ASB4: variants seen among roughly 807,000 people sequenced by gnomAD.
ASB4 encodes ankyrin repeat and SOCS box containing 4.
A neutral mutation model predicts 38.6 loss-of-function variants in ASB4; 35 were observed. That is an observed-to-expected ratio of 0.91 (90% confidence interval 0.69 to 1.20). The LOEUF is 1.20. Ranked by LOEUF, ASB4 falls within the 50% of genes most tolerant of loss-of-function variation. The probability of loss-of-function intolerance (pLI) is 0.00; values close to 1 mark genes in which losing one functional copy is unlikely to be tolerated. For synonymous variants in ASB4, 195 were observed against 201.3 expected, an observed-to-expected ratio of 0.97 and a Z score of 0.26; for missense variants, 557 against 527.2, an observed-to-expected ratio of 1.06 and a Z score of -0.55.
At position 95,537,786 on chromosome 7, in the gene ASB4, C is replaced by G; in HGVS notation, c.*27C>G. 6.3e-7 allele frequency: 1 copy of G among 1,594,350 alleles called. No individual in the cohort carries two copies. The highest frequency in any genetic ancestry group is 8.6e-7 in the Non-Finnish European group (1 of 1,166,614). On this transcript the variant is annotated 3_prime_UTR_variant, in exon 5 of 5. Transcript: ENST00000325885. ...CCTTATGAGACAGCAGTTCCCAATC[C>G]TAGGTATTTAAGTGGACTTGCTGGG...
intron 1 of ASB4, among the ~76,000 whole-genome samples, chr7:95,493,488 G>A (rs1328406126): frequency 1.3e-5 from 2 of 152,042 alleles, no homozygotes; most frequent in Admixed American, 6.6e-5. Flanking sequence ...ATTAATCACT[G>A]TGCACAACCT....
At chr7:95,505,810 T>C (rs1056564714) in intron 2 of ASB4, among the ~76,000 whole-genome samples, 1 of 152,088 alleles carries the variant, frequency 6.6e-6, no homozygotes, top group Non-Finnish European at 1.5e-5. Context: ...TGTAGAAAAC[T>C]GTCTTATTTC....
chr7:95,513,372 G>T (rs1180343114), intron 2 of ASB4, among the ~76,000 whole-genome samples: 1 of 136,084 alleles, frequency 7.3e-6, no homozygotes, highest in Non-Finnish European at 1.5e-5. Flanking sequence ...TAAGGAATTG[G>T]CTCATGCAAT....
At chr7:95,549,463 A>AT in the ASB4 span, among the ~76,000 whole-genome samples, 5 of 151,588 alleles carry the variant, frequency 3.3e-5, no homozygotes, top group African/African-American at 4.8e-5. Context: ...CGCCCGGCTA[A>AT]TTTTTTTGTA....
At chr7:95,515,245 TTCTTTCCTTCTTTCTTTCTTTC>T (rs1790553496) in intron 2 of ASB4, among the ~76,000 whole-genome samples, 5 of 142,918 alleles carry the variant, frequency 3.5e-5, no homozygotes, top group Admixed American at 6.9e-5. Flanking sequence ...CTTTCTTTCT[TTCTTTCCTTCTTTCTTTCTTTC>T]TCTTTCTTTC....
chr7:95,538,851 A>G lies in ASB4; in HGVS notation c.*1092A>G. The G allele has an allele frequency of 6.6e-6, 1 of 152,186 alleles. No individual in the cohort carries two copies. The highest frequency in any genetic ancestry group is 1.9e-4 in the East Asian group (1 of 5,196). The allele number at this position is 152,186 out of a possible 1,614,324, so 9.4% of individuals were successfully genotyped here. On this transcript the variant is annotated 3_prime_UTR_variant, in exon 5 of 5. Coordinates refer to ENST00000325885, the MANE Select transcript of ASB4 (RefSeq NM_016116.3). The stretch of plus-strand genomic sequence containing the variant: ...TTCGGTCTTTTTATGTAGCAGACTG[A>G]CATTTCATAGCATTGTAGCTAAGAG...
Position 95,496,037 on chromosome 7 carries a change from C to T in ASB4, c.467C>T (p.Ala156Val), listed in dbSNP as rs1207421872. 1 of 1,613,104 alleles carries T rather than the reference C, an allele frequency of 6.2e-7. No individual in the cohort carries two copies. ...FCTTPSSILC[A>V]KQLVWRGANV... The stretch of plus-strand genomic sequence containing the variant: ...ACAACTCCAAGTTCCATTCTCTGTG[C>T]CAAGCAATTGGTTTGGAGAGGTAAG... Residue 156 changes from alanine to valine, a missense_variant, in exon 2 of 5, where the codon GCC becomes GTC. Coordinates refer to ENST00000325885, the MANE Select transcript of ASB4 (RefSeq NM_016116.3).
At position 95,536,429 on chromosome 7, in the gene ASB4, C is replaced by G. The variant is rs746970337; in HGVS notation, c.979-8C>G. 3.8e-6 allele frequency: 6 copies of G among 1,558,504 alleles called. 1 individual carries two copies. The South Asian group carries it at 6.7e-5, about 17-fold the overall frequency. ...TCAAACAGATGAAACTCTGTGCTTC[C>G]TCTGCAGGTGATACAGGCCTGCCAT... is the stretch of plus-strand genomic sequence containing the variant. On this transcript the variant is annotated splice_polypyrimidine_tract_variant and splice_region_variant and intron_variant, in intron 3 of 4. Coordinates refer to ENST00000325885, the MANE Select transcript of ASB4 (RefSeq NM_016116.3).
the ASB4 span, among the ~76,000 whole-genome samples, chr7:95,547,730 A>T: frequency 1.3e-5 from 2 of 152,154 alleles, no homozygotes; most frequent in African/African-American, 4.8e-5. Context: ...AAAGCAGATC[A>T]CTCTCCATAA....
downstream of ASB4, among the ~76,000 whole-genome samples, chr7:95,540,867 G>C (rs945539681): frequency 1.3e-5 from 2 of 152,252 alleles, no homozygotes; most frequent in East Asian, 3.9e-4. Flanking sequence ...ATGATTGTAG[G>C]GATAAGAAAA....
In ASB4 at chr7:95,495,885, C is replaced by A; in HGVS notation, c.315C>A (p.Pro105=). ...LDHNATINCR[P]NGKTPLHVAC... ...ACAATGCTACAATCAACTGTAGACCCAATGGGAAAACCCCTCTTCACGTGG... is the reference window on the plus strand; with the variant it reads ...ACAATGCTACAATCAACTGTAGACCAAATGGGAAAACCCCTCTTCACGTGG... The change falls in exon 2 of 5, where the codon CCC becomes CCA. Residue 105 remains proline, a synonymous_variant. Coordinates refer to ENST00000325885, the MANE Select transcript of ASB4 (RefSeq NM_016116.3). 1 of 1,614,108 alleles carries A rather than the reference C, an allele frequency of 6.2e-7. No homozygotes were observed. The highest frequency in any genetic ancestry group is 8.5e-7 in the Non-Finnish European group (1 of 1,180,010).
At chr7:95,537,210 C>T (rs1790900648) in intron 4 of ASB4, among the ~76,000 whole-genome samples, 2 of 152,152 alleles carry the variant, frequency 1.3e-5, no homozygotes, top group Non-Finnish European at 2.9e-5. Context: ...TAAAAGTCAC[C>T]TAACTTGAGT....
At chr7:95,478,799 C>A (rs1334279395) in intron 1 of ASB4, among the ~76,000 whole-genome samples, 1 of 152,160 alleles carries the variant, frequency 6.6e-6, no homozygotes, top group East Asian at 1.9e-4. Flanking sequence ...ACAAAGCAAT[C>A]ATTTCTGCCA....
chr7:95,520,446 A>G (rs1790645108), intron 2 of ASB4, among the ~76,000 whole-genome samples: 1 of 152,234 alleles, frequency 6.6e-6, no homozygotes, highest in Non-Finnish European at 1.5e-5. Context: ...TTCAGATCTC[A>G]TAGAAGGCTT....
At chr7:95,544,119 C>G (rs1183054013), downstream of ASB4, 1 of 152,034 alleles carries the variant, frequency 6.6e-6, no homozygotes, top group Non-Finnish European at 1.5e-5. Context: ...TACTCTGGAG[C>G]AACAAAGGGG....
At chr7:95,549,301 ATT>A in the ASB4 span, among the ~76,000 whole-genome samples, 4 of 114,808 alleles carry the variant, frequency 3.5e-5, no homozygotes, top group Admixed American at 1.8e-4. Context: ...AGGAGACTCC[ATT>A]TTTTTTTTTT....
intron 2 of ASB4, among the ~76,000 whole-genome samples, chr7:95,523,056 A>G (rs1210275678): frequency 6.6e-6 from 1 of 152,218 alleles, no homozygotes; most frequent in Non-Finnish European, 1.5e-5. Flanking sequence ...AACAGACTGT[A>G]TGTCTGCATG....
chr7:95,512,709 G>A (rs1223836627), intron 2 of ASB4, among the ~76,000 whole-genome samples: 4 of 152,170 alleles, frequency 2.6e-5, no homozygotes, highest in African/African-American at 7.2e-5. Flanking sequence ...TTTGGGTAAT[G>A]CTGGCTTAGA....
upstream of ASB4, among the ~76,000 whole-genome samples, chr7:95,484,286 C>A (rs1013803217): frequency 6.6e-6 from 1 of 152,068 alleles, no homozygotes; most frequent in Non-Finnish European, 1.5e-5. Flanking sequence ...GAGCCCAGAT[C>A]ACACCACTGT....
Sources: allele counts gnomAD v4.1 joint callset (sites outside exome capture counted in the v4.1 genomes callset), GRCh38; gene constraint gnomAD v4.1.1; transcripts MANE v1.5; gene names NCBI Gene and HGNC (gene_info 2026-07-23, HGNC 2026-07-21).